Variants in RTP2 observed in about 807,000 individuals in gnomAD.
RTP2 encodes the protein receptor-transporting protein 2.
In RTP2, 12 loss-of-function variants were observed where a neutral mutation model predicts 17.9. The observed-to-expected ratio is 0.67, with a 90% CI of 0.43 to 1.09. The LOEUF (loss-of-function observed/expected upper bound fraction) is 1.09, where lower values mean the gene tolerates loss of function less well. Ranked by LOEUF, RTP2 falls within the 50% of genes least tolerant of loss-of-function variation. The pLI, the probability that RTP2 is intolerant of heterozygous loss-of-function variation, is 0.00. For missense variants in RTP2, 327 were observed against 295.7 expected (o/e 1.11, Z -0.78); for synonymous variants, 126 against 117.7 (o/e 1.07, Z -0.46).
the RTP2 span, among the ~76,000 whole-genome samples, chr3:187,710,133 T>C: frequency 6.6e-6 from 1 of 152,072 alleles, no homozygotes; most frequent in Non-Finnish European, 1.5e-5. Context: ...TGCAGGAAGG[T>C]TGAATTCACT....
chr3:187,712,895 G>A, the RTP2 span, among the ~76,000 whole-genome samples: 8 of 152,304 alleles, frequency 5.3e-5, no homozygotes, highest in African/African-American at 1.9e-4. Context: ...GCAATCAGAA[G>A]CTGGGGCTGA....
chr3:187,704,770 G>A (rs982192752), upstream of RTP2, among the ~76,000 whole-genome samples: 2 of 152,192 alleles, frequency 1.3e-5, no homozygotes, highest in African/African-American at 4.8e-5. Flanking sequence ...TCCCCAGGAT[G>A]TAGCACTTAG....
At chr3:187,707,130 A>G (rs1034402046), upstream of RTP2, among the ~76,000 whole-genome samples, 3 of 152,192 alleles carry the variant, frequency 2.0e-5, no homozygotes, top group Middle Eastern at 3.2e-3. Flanking sequence ...TGGCCTTTCT[A>G]TGGAGCCTGG....
chr3:187,698,745 C>T (rs753793072), exon 2 of RTP2: 56 of 1,613,902 alleles, frequency 3.5e-5, no homozygotes, highest in Non-Finnish European at 4.7e-5. Context: ...GCTGTCCGGG[C>T]GGCTGGCCAC....
upstream of RTP2, among the ~76,000 whole-genome samples, chr3:187,705,130 T>TA (rs1482150255): frequency 6.6e-6 from 1 of 150,784 alleles, no homozygotes; most frequent in Non-Finnish European, 1.5e-5. Context: ...TGTAAATACA[T>TA]AAAAAGACAG....
At chr3:187,712,151 A>T in the RTP2 span, among the ~76,000 whole-genome samples, 2 of 152,178 alleles carry the variant, frequency 1.3e-5, no homozygotes, top group African/African-American at 4.8e-5. Context: ...ACACGAGTGC[A>T]TGTAAAACGA....
intron 1 of RTP2, among the ~76,000 whole-genome samples, chr3:187,700,385 A>G (rs1717814981): frequency 6.6e-6 from 1 of 152,232 alleles, no homozygotes; most frequent in African/African-American, 2.4e-5. Flanking sequence ...GAGCCTGTGC[A>G]CAAATAAGCT....
chr3:187,706,353 T>C (rs546360648), upstream of RTP2, among the ~76,000 whole-genome samples: 1 of 152,290 alleles, frequency 6.6e-6, no homozygotes, highest in Admixed American at 6.5e-5. Flanking sequence ...TTATAGACAC[T>C]ATAGTTAAAA....
chr3:187,698,677 G>A, exon 2 of RTP2: 1 of 1,614,138 alleles, frequency 6.2e-7, no homozygotes, highest in Non-Finnish European at 8.5e-7. Flanking sequence ...TTCTCGCTGG[G>A]CTTCCAGTGA....
the RTP2 span, among the ~76,000 whole-genome samples, chr3:187,713,540 G>A: frequency 6.6e-6 from 1 of 152,160 alleles, no homozygotes; most frequent in Non-Finnish European, 1.5e-5. Flanking sequence ...AATCTTCTGG[G>A]CTTTAGATAC....
At chr3:187,706,913 TC>T (rs1448008612), upstream of RTP2, among the ~76,000 whole-genome samples, 1 of 152,204 alleles carries the variant, frequency 6.6e-6, no homozygotes, top group Non-Finnish European at 1.5e-5. Context: ...AGTGAACATT[TC>T]TTTAAACATG....
chr3:187,715,662 A>G, the RTP2 span: 2 of 456,796 alleles, frequency 4.4e-6, no homozygotes, highest in African/African-American at 4.0e-5. Flanking sequence ...GTTCTAAGTC[A>G]GAATCATCTG....
chr3:187,698,927 C>T, exon 2 of RTP2: 1 of 1,609,982 alleles, frequency 6.2e-7, no homozygotes, highest in Non-Finnish European at 8.5e-7. Context: ...CCGAGCCCGC[C>T]CGCTGGGCGC....
At chr3:187,704,578 T>C (rs1717943601), upstream of RTP2, among the ~76,000 whole-genome samples, 1 of 151,992 alleles carries the variant, frequency 6.6e-6, no homozygotes, top group South Asian at 2.1e-4. Context: ...AAAAAGAAGA[T>C]TGAGTAAAAT....
At chr3:187,702,541 T>G in exon 1 of RTP2, 1 of 458,572 alleles carries the variant, frequency 2.2e-6, no homozygotes, top group South Asian at 1.5e-5. Context: ...TGTGCTATGG[T>G]AAGTACGACA....
upstream of RTP2, among the ~76,000 whole-genome samples, chr3:187,703,376 G>A (rs1239808034): frequency 6.6e-6 from 1 of 152,188 alleles, no homozygotes; most frequent in African/African-American, 2.4e-5. Flanking sequence ...TGAAGTCAGG[G>A]ACAATGTCAC....
At chr3:187,711,191 T>G in the RTP2 span, among the ~76,000 whole-genome samples, 3,150 of 152,020 alleles carry the variant, frequency 0.021, 108 homozygotes, top group Admixed American at 0.086. Context: ...TGTCCAGGGG[T>G]GTCTATTTTT....
At chr3:187,702,892 G>A (rs895893493), upstream of RTP2, among the ~76,000 whole-genome samples, 2 of 152,226 alleles carry the variant, frequency 1.3e-5, no homozygotes, top group Non-Finnish European at 2.9e-5. Flanking sequence ...GCCATGCAAA[G>A]CACAGTAATA....
chr3:187,701,360 G>A (rs2108542279), intron 1 of RTP2, among the ~76,000 whole-genome samples: 1 of 152,278 alleles, frequency 6.6e-6, no homozygotes, highest in South Asian at 2.1e-4. Flanking sequence ...TTTTATCACA[G>A]GTGCATAGAT....
Sources: gnomAD v4.1 joint callset for allele counts (sites outside exome capture counted in the v4.1 genomes callset) on GRCh38, gnomAD v4.1.1 for gene constraint, MANE v1.5 for transcripts, NCBI Gene and HGNC (gene_info 2026-07-23, HGNC 2026-07-21) for gene names.